The following CNTN5 variants were observed in gnomAD, a reference collection of about 807,000 sequenced individuals.
CNTN5 encodes contactin-5.
CNTN5 carries 77 observed loss-of-function variants against 129.1 expected under a neutral mutation model. The ratio of observed to expected loss-of-function variants is 0.60; its 90% CI spans 0.50 to 0.72. CNTN5 has a LOEUF of 0.72. Ranked by LOEUF, CNTN5 falls within the 30% of genes least tolerant of loss-of-function variation. The pLI, the probability that CNTN5 is intolerant of heterozygous loss-of-function variation, is 0.00. For missense variants in CNTN5, 1,478 were observed against 1,328.8 expected, an observed-to-expected ratio of 1.11 and a Z score of -1.75; for synonymous variants, 509 against 465.6, an observed-to-expected ratio of 1.09 and a Z score of -1.20.
At chr11:99,846,357 C>CAAAAAAA (rs35705639) in intron 6 of CNTN5, among the ~76,000 whole-genome samples, 6 of 61,384 alleles carry the variant, frequency 9.8e-5, no homozygotes, top group East Asian at 5.0e-4. Context: ...GGATCTGTCT[C>CAAAAAAA]AAAAAAAAAA....
intron 2 of CNTN5, among the ~76,000 whole-genome samples, chr11:99,409,278 C>T (rs113481729): frequency 6.6e-6 from 1 of 152,034 alleles, no homozygotes; most frequent in African/African-American, 2.4e-5. Context: ...TCCAAGCTAA[C>T]ACGGTGAAAC....
intron 16 of CNTN5, among the ~76,000 whole-genome samples, chr11:100,254,446 T>C (rs944784928): frequency 6.6e-6 from 1 of 152,158 alleles, no homozygotes; most frequent in African/African-American, 2.4e-5. Context: ...AGGAAAAAAT[T>C]GTCATTTCTT....
In CNTN5 at chr11:99,845,254, AGT is replaced by A; in HGVS notation, c.570_571del (p.Gln190HisfsTer8). 1 of 1,607,776 alleles carries A rather than the reference AGT, an allele frequency of 6.2e-7. No individual in the cohort carries two copies. The highest frequency in any genetic ancestry group is 8.5e-7 in the Non-Finnish European group (1 of 1,176,954). On this transcript the variant is annotated frameshift_variant, in exon 6 of 25. Transcript: ENST00000524871. LOFTEE classifies it high-confidence loss of function. ...ATTCTTAGTAGAGAAGCTACACTGC[AGT>A]TTGCCTGTGAGTAAAATATATGATT... is the stretch of plus-strand genomic sequence containing the variant.
At chr11:99,471,974 A>G (rs1341488644) in intron 2 of CNTN5, among the ~76,000 whole-genome samples, 1 of 152,158 alleles carries the variant, frequency 6.6e-6, no homozygotes, top group Non-Finnish European at 1.5e-5. Flanking sequence ...GGACCAAGAT[A>G]CATATTTTAT....
At chr11:100,045,434 A>G (rs1031296511) in intron 9 of CNTN5, among the ~76,000 whole-genome samples, 1 of 152,150 alleles carries the variant, frequency 6.6e-6, no homozygotes, top group African/African-American at 2.4e-5. Flanking sequence ...TAGAGATAGA[A>G]GAAAAAAAGG....
chr11:99,599,180 TG>T (rs1288389634), intron 3 of CNTN5, among the ~76,000 whole-genome samples: 1 of 151,866 alleles, frequency 6.6e-6, no homozygotes, highest in Non-Finnish European at 1.5e-5. Flanking sequence ...TACTTGGAGG[TG>T]TTTTTTTTTT....
chr11:99,201,351 T>TTTCCTTTCCTTCCTTCCTTCCTTCCTTCC (rs1859184179), intron 1 of CNTN5, among the ~76,000 whole-genome samples: 1 of 88,152 alleles, frequency 1.1e-5, no homozygotes, highest in Non-Finnish European at 2.2e-5. Context: ...CTTCCTTTCC[T>TTTCCTTTCCTTCCTTCCTTCCTTCCTTCC]TTCCTTCCTT....
At chr11:99,116,848 T>A (rs1480932230) in intron 1 of CNTN5, among the ~76,000 whole-genome samples, 1 of 152,166 alleles carries the variant, frequency 6.6e-6, no homozygotes. Flanking sequence ...GAATTTTAAT[T>A]GCTCATAGGG....
intron 6 of CNTN5, among the ~76,000 whole-genome samples, chr11:99,887,494 T>C (rs904887082): frequency 3.3e-5 from 5 of 152,216 alleles, no homozygotes; most frequent in African/African-American, 7.2e-5. Flanking sequence ...ACAGAACTTA[T>C]AGGATAGATG....
chr11:99,828,973 T>G (rs1378341630), intron 4 of CNTN5, among the ~76,000 whole-genome samples: 1 of 152,160 alleles, frequency 6.6e-6, no homozygotes, highest in Non-Finnish European at 1.5e-5. Flanking sequence ...TGATTTCACT[T>G]TATTATTTAT....
intron 1 of CNTN5, among the ~76,000 whole-genome samples, chr11:99,054,844 A>C (rs1004196115): frequency 6.6e-6 from 1 of 151,950 alleles, no homozygotes; most frequent in Admixed American, 6.6e-5. Flanking sequence ...AAAAGATAAT[A>C]CAATTCATAT....
intron 2 of CNTN5, among the ~76,000 whole-genome samples, chr11:99,489,016 G>A (rs975889803): frequency 5.3e-5 from 8 of 151,912 alleles, no homozygotes; most frequent in Non-Finnish European, 8.8e-5. Context: ...GATCTCAAGA[G>A]AGCCTACTCT....
intron 9 of CNTN5, among the ~76,000 whole-genome samples, chr11:100,034,259 CT>C (rs1565808356): frequency 6.6e-6 from 1 of 152,126 alleles, no homozygotes; most frequent in Non-Finnish European, 1.5e-5. Flanking sequence ...ATACCAAACA[CT>C]TTAAAAGGGG....
chr11:99,509,245 T>G (rs1946743855), intron 2 of CNTN5, among the ~76,000 whole-genome samples: 1 of 152,196 alleles, frequency 6.6e-6, no homozygotes, highest in Non-Finnish European at 1.5e-5. Flanking sequence ...GATCTTCATT[T>G]AAAAAGCAGA....
At chr11:99,229,939 G>GA (rs2135725490) in intron 1 of CNTN5, among the ~76,000 whole-genome samples, 1 of 151,838 alleles carries the variant, frequency 6.6e-6, no homozygotes, top group Non-Finnish European at 1.5e-5. Flanking sequence ...CACATTAATG[G>GA]AAAAATAAGA....
chr11:99,374,131 A>G (rs1391377947), intron 2 of CNTN5, among the ~76,000 whole-genome samples: 2 of 152,260 alleles, frequency 1.3e-5, no homozygotes, highest in Non-Finnish European at 2.9e-5. Flanking sequence ...GGTTAATGAC[A>G]CAATTGAATT....
chr11:99,535,575 C>T (rs1051657777), intron 2 of CNTN5, among the ~76,000 whole-genome samples: 1 of 152,102 alleles, frequency 6.6e-6, no homozygotes, highest in Non-Finnish European at 1.5e-5. Context: ...AAGACCTAGG[C>T]ATGAGAATGT....
chr11:99,095,573 A>T (rs1275024513), intron 1 of CNTN5, among the ~76,000 whole-genome samples: 1 of 151,952 alleles, frequency 6.6e-6, no homozygotes, highest in Non-Finnish European at 1.5e-5. Context: ...CACCACTAAG[A>T]TAAACGTAGG....
intron 1 of CNTN5, among the ~76,000 whole-genome samples, chr11:99,216,038 T>C (rs1262502509): frequency 2.6e-5 from 4 of 152,170 alleles, no homozygotes; most frequent in African/African-American, 7.2e-5. Flanking sequence ...TATCATTCTT[T>C]TAGTTATTTT....
Sources: allele counts gnomAD v4.1 joint callset (sites outside exome capture counted in the v4.1 genomes callset), GRCh38; gene constraint gnomAD v4.1.1; transcripts MANE v1.5; gene names NCBI Gene and HGNC (gene_info 2026-07-23, HGNC 2026-07-21).